The following CD59 variants were observed in gnomAD, a reference collection of about 807,000 sequenced individuals.
The protein encoded by CD59 is CD59 glycoprotein.
In CD59, 3 loss-of-function variants were observed where a neutral mutation model predicts 7.0. That is an observed-to-expected ratio of 0.43 (90% CI 0.19 to 1.10). The LOEUF is 1.10. Ranked by LOEUF, CD59 falls within the 50% of genes least tolerant of loss-of-function variation. CD59 has a pLI of 0.29. For synonymous variants in CD59, 60 were observed against 62.0 expected, an observed-to-expected ratio of 0.97 and a Z score of 0.15; for missense variants, 143 against 151.0, an observed-to-expected ratio of 0.95 and a Z score of 0.28.
intron 1 of CD59, among the ~76,000 whole-genome samples, chr11:33,735,499 G>C (rs1048044555): frequency 6.6e-6 from 1 of 152,144 alleles, no homozygotes; most frequent in Non-Finnish European, 1.5e-5. Context: ...GCAATGGCGC[G>C]ATCTCGGCTC....
At chr11:33,721,746 T>C (rs1464265223) in intron 2 of CD59, among the ~76,000 whole-genome samples, 4 of 152,220 alleles carry the variant, frequency 2.6e-5, no homozygotes, top group African/African-American at 4.8e-5. Flanking sequence ...GTTGCCAGAC[T>C]GTGTGTTCAC....
chr11:33,724,521 C>T (rs564027732), intron 1 of CD59, among the ~76,000 whole-genome samples: 2 of 152,276 alleles, frequency 1.3e-5, no homozygotes, highest in East Asian at 3.9e-4. Context: ...TAGCACAATG[C>T]CTGGCCAAAG....
At chr11:33,726,234 T>C (rs946524854) in intron 1 of CD59, among the ~76,000 whole-genome samples, 29 of 152,204 alleles carry the variant, frequency 1.9e-4, no homozygotes, top group Admixed American at 1.0e-3. Context: ...TACATTCTTC[T>C]TAGCACCGCA....
chr11:33,711,295 C>G (rs1669219977), intron 3 of CD59: 3 of 643,382 alleles, frequency 4.7e-6, no homozygotes, highest in Admixed American at 2.4e-5. Flanking sequence ...GGCAAGACCC[C>G]CTCTCTATTT....
chr11:33,722,798 G>T, intron 1 of CD59: 2 of 988,730 alleles, frequency 2.0e-6, no homozygotes, highest in Non-Finnish European at 2.6e-6. Flanking sequence ...CAAGCTGCTG[G>T]CTGAAAGAGA....
chr11:33,726,242 G>A (rs1056722261), intron 1 of CD59, among the ~76,000 whole-genome samples: 15 of 152,026 alleles, frequency 9.9e-5, no homozygotes, highest in Non-Finnish European at 1.3e-4. Flanking sequence ...TCTTAGCACC[G>A]CATGGTAATT....
intron 3 of CD59, among the ~76,000 whole-genome samples, chr11:33,711,042 A>T (rs1452955379): frequency 4.2e-5 from 5 of 119,366 alleles, no homozygotes; most frequent in South Asian, 2.4e-4. Context: ...TAAAAAAAAA[A>T]AAATAAAGGT....
intron 1 of CD59, among the ~76,000 whole-genome samples, chr11:33,728,279 G>C (rs1168753593): frequency 6.6e-6 from 1 of 152,078 alleles, no homozygotes; most frequent in Non-Finnish European, 1.5e-5. Flanking sequence ...TATACTACAA[G>C]GCTACAGTAA....
At chr11:33,714,590 G>C (rs1853706004) in intron 3 of CD59, among the ~76,000 whole-genome samples, 1 of 152,074 alleles carries the variant, frequency 6.6e-6, no homozygotes, top group Admixed American at 6.5e-5. Context: ...CTTTACTTTA[G>C]AAATTTTTTA....
chr11:33,706,755 C>G lies in CD59; in HGVS notation c.*3371G>C, dbSNP rs535097447. 29 of 152,292 alleles carry G rather than the reference C, an allele frequency of 1.9e-4. No individual in the cohort carries two copies. Among genetic ancestry groups the G allele is most frequent in the African/African-American group, 7.0e-4 (29 of 41,558 alleles). 9.4% of individuals were successfully genotyped at this position (152,292 alleles called of 1,614,324 possible). ...TTCTGTTTACAGGAAGGCCTAACTA[C>G]GTCCTGTTCACCTCATGCTATTGGG... On this transcript the variant is annotated 3_prime_UTR_variant, in exon 4 of 4. Transcript: ENST00000642928.
At chr11:33,723,595 T>C (rs1238183792) in intron 1 of CD59, among the ~76,000 whole-genome samples, 2 of 152,226 alleles carry the variant, frequency 1.3e-5, no homozygotes, top group African/African-American at 4.8e-5. Flanking sequence ...AATTGTCATC[T>C]GGCCTTTCCT....
chr11:33,710,315 C>G lies in CD59; in HGVS notation c.198G>C (p.Lys66Asn). The change falls in exon 4 of 4, where the codon AAG becomes AAC. Residue 66 changes from lysine to asparagine, a missense_variant. Transcript: ENST00000642928. ...CGTCGTTGAAATTGCAATGCTCAAA[C>G]TTCCAACACTTGTTATACACTTGTA... ...AGLQVYNKCW[K>N]FEHCNFNDVT... 5 of 1,614,154 alleles carry G rather than the reference C, an allele frequency of 3.1e-6. 1 individual carries two copies. The South Asian group carries it at 5.5e-5, about 18-fold the overall frequency.
rs1853282984 is a variant in CD59, at chr11:33,705,733, A to G, written c.*4393T>C. 6.6e-6 allele frequency: 1 copy of G among 152,150 alleles called. No individual in the cohort carries two copies. Among genetic ancestry groups the G allele is most frequent in the South Asian group, 2.1e-4 (1 of 4,830 alleles). The allele number at this position is 152,150 out of a possible 1,614,324, so 9.4% of individuals were successfully genotyped here. ...CTAACTGTGGGAGCCAGTTCTCCCTAATAACCTCCCTTTCATATATACATA... is the reference window on the plus strand; with the variant it reads ...CTAACTGTGGGAGCCAGTTCTCCCTGATAACCTCCCTTTCATATATACATA... On this transcript the variant is annotated 3_prime_UTR_variant, in exon 4 of 4. Transcript: ENST00000642928.
intron 1 of CD59, among the ~76,000 whole-genome samples, chr11:33,735,423 G>A (rs1239151744): frequency 1.3e-5 from 2 of 152,030 alleles, no homozygotes; most frequent in African/African-American, 4.8e-5. Context: ...GGTTTTTTTT[G>A]TTTGTTCTTT....
intron 3 of CD59, among the ~76,000 whole-genome samples, chr11:33,713,742 T>C (rs1247574486): frequency 1.3e-5 from 2 of 152,252 alleles, no homozygotes; most frequent in Non-Finnish European, 2.9e-5. Flanking sequence ...CAATTAATCA[T>C]TTACTATGTG....
Position 33,726,576 on chromosome 11 carries a change from G to A in CD59, c.-18-4113C>T, listed in dbSNP as rs905274864. On this transcript the variant is annotated intron_variant, in intron 1 of 3. Transcript: ENST00000642928. ...ACTAAATGCCCACAAGAGAAAGCAG[G>A]AAAGATCTAAAATTGACACCCTAAC... is the stretch of plus-strand genomic sequence containing the variant. Among the ~76,000 whole-genome samples, 3 of 152,122 alleles carry A rather than the reference G, an allele frequency of 2.0e-5. No individual in the cohort carries two copies. The East Asian group carries it at 5.8e-4, about 29-fold the overall frequency.
intron 3 of CD59, among the ~76,000 whole-genome samples, chr11:33,716,939 C>A (rs951662102): frequency 1.3e-5 from 2 of 152,218 alleles, no homozygotes; most frequent in African/African-American, 4.8e-5. Flanking sequence ...GCCAAACAGG[C>A]CTTTGTCATA....
At chr11:33,718,049 G>A (rs1853880670) in intron 2 of CD59, 1 of 170,274 alleles carries the variant, frequency 5.9e-6, no homozygotes, top group African/African-American at 2.4e-5. Context: ...CTCATTAGTA[G>A]ATGTGTATTA....
chr11:33,722,633 T>G, intron 1 of CD59, 170 bp from the exon 2 acceptor site: 1 of 1,466,452 alleles, frequency 6.8e-7, no homozygotes, highest in Non-Finnish European at 9.1e-7. Flanking sequence ...CAGCACCATA[T>G]ACCCTTGAGT....
Sources: allele counts gnomAD v4.1 joint callset (sites outside exome capture counted in the v4.1 genomes callset), GRCh38; gene constraint gnomAD v4.1.1; transcripts MANE v1.5; gene names NCBI Gene and HGNC (gene_info 2026-07-23, HGNC 2026-07-21).